Variants in MBD5 observed in about 807,000 individuals in gnomAD.
MBD5 encodes methyl-CpG binding domain protein 5.
In MBD5, 13 loss-of-function variants were observed where a neutral mutation model predicts 117.3. That is an observed-to-expected ratio of 0.11 (90% CI 0.07 to 0.18). The LOEUF is 0.18. Ranked by LOEUF, MBD5 falls within the 10% of genes least tolerant of loss-of-function variation. The pLI is 1.00. For synonymous variants in MBD5, 727 were observed against 766.4 expected (o/e 0.95, Z 0.85); for missense variants, 1,879 against 2,093.8 (o/e 0.90, Z 2.00).
At chr2:148,379,125 A>G (rs1355203610) in intron 4 of MBD5, among the ~76,000 whole-genome samples, 1 of 152,104 alleles carries the variant, frequency 6.6e-6, no homozygotes, top group East Asian at 1.9e-4. Flanking sequence ...GATTTTCCAA[A>G]AACAGTAAAG....
intron 4 of MBD5, among the ~76,000 whole-genome samples, chr2:148,448,212 A>T (rs1706625182): frequency 6.6e-6 from 1 of 152,134 alleles, no homozygotes; most frequent in Non-Finnish European, 1.5e-5. Context: ...CACTTATTTC[A>T]TGGGGCTTAG....
intron 1 of MBD5, among the ~76,000 whole-genome samples, chr2:148,162,304 C>T (rs953397029): frequency 1.3e-5 from 2 of 152,150 alleles, no homozygotes. Flanking sequence ...ACCCCCCTGT[C>T]CATTTACTGA....
intron 2 of MBD5, among the ~76,000 whole-genome samples, chr2:148,232,852 A>G (rs890560875): frequency 5.9e-5 from 9 of 152,152 alleles, no homozygotes; most frequent in African/African-American, 1.9e-4. Context: ...GAGCTAAGAA[A>G]TCAGCTTGGT....
rs537876332 is a variant in MBD5, at chr2:148,297,490, C to T, written c.-679-44724C>T. ...CTGTTTGCTTCTATTGGTATCATAC[C>T]TACCTGTTAAGCTCTACTAATTGCT... is the stretch of plus-strand genomic sequence containing the variant. On this transcript the variant is annotated intron_variant, in intron 3 of 13. Transcript: ENST00000642680. 5.9e-5 allele frequency among the ~76,000 whole-genome samples: 9 copies of T among 152,222 alleles called. No individual in the cohort carries two copies. The South Asian group carries it at 1.9e-3, about 32-fold the overall frequency.
intron 4 of MBD5, among the ~76,000 whole-genome samples, chr2:148,424,130 A>G (rs1208639095): frequency 1.5e-5 from 2 of 133,840 alleles, no homozygotes; most frequent in East Asian, 5.3e-4. Context: ...GTGAGCTGAG[A>G]TTGCGCCACT....
intron 3 of MBD5, among the ~76,000 whole-genome samples, chr2:148,302,427 A>G (rs1701793575): frequency 6.6e-6 from 1 of 152,228 alleles, no homozygotes; most frequent in Non-Finnish European, 1.5e-5. Flanking sequence ...CCTAAGACAC[A>G]GAACAGGCTA....
At chr2:148,294,196 G>GTTTTTTTTTTTTTT (rs60942822) in intron 3 of MBD5, among the ~76,000 whole-genome samples, 5 of 127,170 alleles carry the variant, frequency 3.9e-5, no homozygotes, top group African/African-American at 1.5e-4. Flanking sequence ...CCAGAATGAA[G>GTTTTTTTTTTTTTT]TTTTTTTTTT....
At chr2:148,126,977 C>CTT (rs373037152) in intron 1 of MBD5, among the ~76,000 whole-genome samples, 11 of 130,732 alleles carry the variant, frequency 8.4e-5, no homozygotes, top group African/African-American at 1.4e-4. Flanking sequence ...TTTTTTCTTT[C>CTT]TTTTTTTTTT....
In MBD5 at chr2:148,513,600, A is replaced by G. The variant is rs1682278757; in HGVS notation, c.*659A>G. ...TCTGTTTGGAATGAACCTTGCCTGG[A>G]AGCACTGGACTCAATTTCGGGTGTC... On this transcript the variant is annotated 3_prime_UTR_variant, in exon 14 of 14. Transcript: ENST00000642680. 1 of 152,554 alleles carries G rather than the reference A, an allele frequency of 6.6e-6. No individual in the cohort carries two copies. Among genetic ancestry groups the G allele is most frequent in the Non-Finnish European group, 1.5e-5 (1 of 68,118 alleles). The allele number at this position is 152,554 out of a possible 1,614,324, so 9.5% of individuals were successfully genotyped here.
At chr2:148,356,629 T>C (rs1703388004) in intron 4 of MBD5, among the ~76,000 whole-genome samples, 1 of 152,190 alleles carries the variant, frequency 6.6e-6, no homozygotes, top group African/African-American at 2.4e-5. Flanking sequence ...TTGGTTATAT[T>C]TTCTTAAGCA....
At chr2:148,139,844 TGTTC>T (rs1168448864) in intron 1 of MBD5, among the ~76,000 whole-genome samples, 2 of 152,208 alleles carry the variant, frequency 1.3e-5, no homozygotes, top group Non-Finnish European at 2.9e-5. Flanking sequence ...CAACATATCC[TGTTC>T]ACCTCTCAGC....
intron 2 of MBD5, among the ~76,000 whole-genome samples, chr2:148,224,447 A>T (rs1438544044): frequency 6.6e-6 from 1 of 150,716 alleles, no homozygotes; most frequent in African/African-American, 2.4e-5. Flanking sequence ...GGTTCAAGCA[A>T]TTCTCCTGCC....
intron 3 of MBD5, among the ~76,000 whole-genome samples, chr2:148,242,075 T>C (rs963062712): frequency 6.6e-6 from 1 of 152,200 alleles, no homozygotes; most frequent in Admixed American, 6.5e-5. Context: ...TTACTCCAAA[T>C]TTCTGATCTT....
chr2:148,263,661 G>A (rs1021729878), intron 3 of MBD5, among the ~76,000 whole-genome samples: 1 of 152,108 alleles, frequency 6.6e-6, no homozygotes, highest in Non-Finnish European at 1.5e-5. Flanking sequence ...GAAGATTTGG[G>A]TGTGTGAAAT....
chr2:148,340,971 A>G (rs185213598), intron 3 of MBD5, among the ~76,000 whole-genome samples: 44 of 152,168 alleles, frequency 2.9e-4, no homozygotes, highest in African/African-American at 1.1e-3. Flanking sequence ...GTTGTCATTT[A>G]CAGATAGGAA....
intron 4 of MBD5, among the ~76,000 whole-genome samples, chr2:148,431,864 T>G (rs939815604): frequency 1.6e-4 from 24 of 152,166 alleles, no homozygotes; most frequent in African/African-American, 5.5e-4. Flanking sequence ...TGTGTCTTTA[T>G]GATAGAATGA....
chr2:148,338,412 A>G (rs1168248441), intron 3 of MBD5, among the ~76,000 whole-genome samples: 1 of 152,154 alleles, frequency 6.6e-6, no homozygotes, highest in Non-Finnish European at 1.5e-5. Flanking sequence ...ATTCAAAAAC[A>G]TTTATTGGCC....
At chr2:148,166,584 T>C (rs959577132) in intron 1 of MBD5, among the ~76,000 whole-genome samples, 1 of 152,212 alleles carries the variant, frequency 6.6e-6, no homozygotes, top group East Asian at 1.9e-4. Flanking sequence ...CCTACATCAC[T>C]GAGGATGATA....
At chr2:148,154,266 A>C (rs982343616) in intron 1 of MBD5, among the ~76,000 whole-genome samples, 1 of 152,078 alleles carries the variant, frequency 6.6e-6, no homozygotes, top group African/African-American at 2.4e-5. Flanking sequence ...TCAGTGACCC[A>C]CTTGAGGAGG....
Sources: gnomAD v4.1 joint callset for allele counts (sites outside exome capture counted in the v4.1 genomes callset) on GRCh38, gnomAD v4.1.1 for gene constraint, MANE v1.5 for transcripts, NCBI Gene and HGNC (gene_info 2026-07-23, HGNC 2026-07-21) for gene names.